Variants in TRIM49C observed in about 807,000 individuals in gnomAD.
The protein encoded by TRIM49C is tripartite motif containing 49C, also known as tripartite motif-containing protein 49C.
Under a neutral mutation model 21.4 loss-of-function variants are expected in TRIM49C, and 6 were observed. The observed-to-expected ratio is 0.28, with a 90% CI of 0.15 to 0.55. The LOEUF is 0.55. Ranked by LOEUF, TRIM49C falls within the 20% of genes least tolerant of loss-of-function variation. TRIM49C has a pLI of 0.94. For missense variants in TRIM49C, 161 were observed against 442.4 expected (o/e 0.36, Z 5.71); for synonymous variants, 57 against 148.1 (o/e 0.38, Z 4.47).
At chr11:90,057,840 G>A in the TRIM49C span, 2 of 1,264,082 alleles carry the variant, frequency 1.6e-6, 1 homozygote, top group Non-Finnish European at 2.0e-6. Context: ...TCTTTCATCA[G>A]AATCAATAAT....
At chr11:90,043,208 T>G (rs1212697206), downstream of TRIM49C, among the ~76,000 whole-genome samples, 2 of 145,892 alleles carry the variant, frequency 1.4e-5, no homozygotes, top group Non-Finnish European at 3.0e-5. Context: ...GAGAATGGCT[T>G]GTGGCCAGGA....
At chr11:90,056,083 C>T in the TRIM49C span, among the ~76,000 whole-genome samples, 1 of 134,760 alleles carries the variant, frequency 7.4e-6, no homozygotes. Context: ...CTCAGCCTCC[C>T]GAGTAGCTGG....
chr11:90,038,997 G>T (rs1384182537), intron 6 of TRIM49C, among the ~76,000 whole-genome samples: 1 of 138,006 alleles, frequency 7.2e-6, no homozygotes, highest in Non-Finnish European at 1.6e-5. Flanking sequence ...TCGGCTCACT[G>T]CAAGCTCCGC....
At chr11:90,045,077 G>A (rs1193812096), downstream of TRIM49C, among the ~76,000 whole-genome samples, 1 of 126,924 alleles carries the variant, frequency 7.9e-6, no homozygotes, top group African/African-American at 2.8e-5. Flanking sequence ...TCAAAGATCA[G>A]ATGGTTGTAG....
the TRIM49C span, chr11:90,057,481 C>A: frequency 1.2e-6 from 1 of 862,296 alleles, no homozygotes; most frequent in Non-Finnish European, 1.5e-6. Context: ...CCATTTATAA[C>A]CATAAAGTAA....
At chr11:90,049,114 C>T in the TRIM49C span, among the ~76,000 whole-genome samples, 8 of 124,628 alleles carry the variant, frequency 6.4e-5, 1 homozygote, top group South Asian at 3.0e-4. Flanking sequence ...GCTGCCTGAT[C>T]GCTCCTCTAG....
rs534961582 is a variant in TRIM49C at position 90,039,672 on chromosome 11, C to T, written c.762-193C>T. 6.7e-5 allele frequency among the ~76,000 whole-genome samples: 9 copies of T among 134,854 alleles called. 1 individual carries two copies. The South Asian group carries it at 2.4e-3, about 35-fold the overall frequency. 88.5% of individuals were successfully genotyped at this position (134,854 alleles called of 152,430 possible). A position where few individuals can be genotyped will look rare whatever the true frequency, so the allele number is the denominator to read the frequency against. ...AAAAAAAGAAGGATCAGATTGGATT[C>T]TGGCTTAGATTCTTCCATCATGCTT... On this transcript the variant is annotated intron_variant, in intron 6 of 7. Transcript: ENST00000448984.
At position 90,037,145 on chromosome 11, in the gene TRIM49C, T is replaced by C. The variant is rs641247; in HGVS notation, c.508-604T>C. ...TATATGTAATTCTAGTTGGAGAGAA[T>C]AGCATATGCAGTAATTTTGAGTTTG... On this transcript the variant is annotated intron_variant, in intron 4 of 7. Coordinates refer to ENST00000448984, the MANE Select transcript of TRIM49C (RefSeq NM_001195234.1). 2.0e-4 allele frequency among the ~76,000 whole-genome samples: 27 copies of C among 135,456 alleles called. 1 individual carries two copies. Among genetic ancestry groups the C allele is most frequent in the East Asian group, 1.1e-3 (5 of 4,478 alleles). 88.9% of individuals were successfully genotyped at this position (135,456 alleles called of 152,430 possible).
the TRIM49C span, among the ~76,000 whole-genome samples, chr11:90,054,516 C>T: frequency 7.3e-6 from 1 of 137,132 alleles, no homozygotes; most frequent in East Asian, 2.4e-4. Context: ...GCTATCTTTG[C>T]CTCCTTGGTT....
the TRIM49C span, among the ~76,000 whole-genome samples, chr11:90,059,928 C>T: frequency 7.0e-6 from 1 of 142,970 alleles, no homozygotes; most frequent in African/African-American, 2.7e-5. Flanking sequence ...TTTAACCTCC[C>T]ACCCCTCTAG....
At chr11:90,038,956 G>T in intron 6 of TRIM49C, among the ~76,000 whole-genome samples, 1 of 137,644 alleles carries the variant, frequency 7.3e-6, no homozygotes, top group South Asian at 2.5e-4. Context: ...GTCTGGCTCT[G>T]TCGCCCAGGC....
intron 2 of TRIM49C, among the ~76,000 whole-genome samples, chr11:90,033,671 C>G: frequency 7.4e-6 from 1 of 135,408 alleles, no homozygotes; most frequent in East Asian, 2.2e-4. Context: ...TGGCTGGGCA[C>G]TGTGGCGCGT....
chr11:90,043,243 A>T (rs1396259779), downstream of TRIM49C, among the ~76,000 whole-genome samples: 1 of 142,530 alleles, frequency 7.0e-6, no homozygotes, highest in East Asian at 2.1e-4. Context: ...GAGGCAACAC[A>T]GTGAGACCTC....
At chr11:90,045,993 C>A (rs1420137759), downstream of TRIM49C, among the ~76,000 whole-genome samples, 1 of 121,390 alleles carries the variant, frequency 8.2e-6, no homozygotes, top group South Asian at 3.1e-4. Context: ...GCATGAAGGG[C>A]TGTTGAATTT....
the TRIM49C span, among the ~76,000 whole-genome samples, chr11:90,054,032 A>G: frequency 7.3e-6 from 1 of 137,808 alleles, no homozygotes; most frequent in Non-Finnish European, 1.6e-5. Flanking sequence ...TAATTATTGT[A>G]ATTTATATCT....
chr11:90,048,639 A>G, the TRIM49C span, among the ~76,000 whole-genome samples: 1 of 133,946 alleles, frequency 7.5e-6, no homozygotes, highest in African/African-American at 3.0e-5. Flanking sequence ...GGACTTCTCT[A>G]CCTTGGTTAT....
chr11:90,056,241 T>G, the TRIM49C span, among the ~76,000 whole-genome samples: 1 of 137,750 alleles, frequency 7.3e-6, no homozygotes, highest in Non-Finnish European at 1.6e-5. Flanking sequence ...ATTACAGGCG[T>G]GAGCCACCGC....
Position 90,035,200 on chromosome 11 carries a change from T to A in TRIM49C, c.-4-8T>A. ...CCCCAAAATGACATGTTTCTCTTTG[T>A]TCCTCAGAAACATGAATTCTGGAAT... On this transcript the variant is annotated splice_polypyrimidine_tract_variant and splice_region_variant and intron_variant, in intron 2 of 7. Coordinates refer to ENST00000448984, the MANE Select transcript of TRIM49C (RefSeq NM_001195234.1). The A allele has an allele frequency of 1.3e-6, 2 of 1,592,380 alleles. No homozygotes were observed. Among genetic ancestry groups the A allele is most frequent in the South Asian group, 2.3e-5 (2 of 88,856 alleles).
chr11:90,032,065 C>T (rs1590913618), intron 1 of TRIM49C, among the ~76,000 whole-genome samples: 1 of 136,316 alleles, frequency 7.3e-6, no homozygotes, highest in East Asian at 2.2e-4. Flanking sequence ...GAATTCAAGG[C>T]TGCAGGGAGC....
Sources: gnomAD v4.1 joint callset for allele counts (sites outside exome capture counted in the v4.1 genomes callset) on GRCh38, gnomAD v4.1.1 for gene constraint, MANE v1.5 for transcripts, NCBI Gene and HGNC (gene_info 2026-07-23, HGNC 2026-07-21) for gene names.